Variants in LRBA observed in about 807,000 individuals in gnomAD.
LRBA encodes the protein LPS responsive beige-like anchor protein.
LRBA carries 176 observed loss-of-function variants against 330.0 expected under a neutral mutation model. The ratio of observed to expected loss-of-function variants is 0.53; its 90% CI spans 0.47 to 0.60. The LOEUF (loss-of-function observed/expected upper bound fraction) is 0.60, where lower values mean the gene tolerates loss of function less well. LRBA is among the 20% of genes least tolerant of loss of function. The probability of loss-of-function intolerance (pLI) is 0.00; values close to 1 mark genes in which losing one functional copy is unlikely to be tolerated. For synonymous variants in LRBA, 1,230 were observed against 1,193.0 expected (o/e 1.03, Z -0.64); for missense variants, 3,259 against 3,444.8 (o/e 0.95, Z 1.35).
chr4:150,837,792 T>C (rs1483097793), intron 28 of LRBA, among the ~76,000 whole-genome samples: 3 of 152,226 alleles, frequency 2.0e-5, no homozygotes, highest in Admixed American at 2.0e-4. Flanking sequence ...CCCATTTACA[T>C]TTAAAGTTAA....
intron 42 of LRBA, among the ~76,000 whole-genome samples, chr4:150,477,541 A>C (rs1454421223): frequency 6.6e-6 from 1 of 152,140 alleles, no homozygotes; most frequent in Non-Finnish European, 1.5e-5. Flanking sequence ...AACTGCCTCC[A>C]TGATCCAATC....
intron 48 of LRBA, among the ~76,000 whole-genome samples, chr4:150,349,391 A>G (rs140555020): frequency 3.7e-4 from 57 of 152,330 alleles, no homozygotes; most frequent in Non-Finnish European, 5.9e-5. Context: ...AATTAGAAGG[A>G]TGCATAATTA....
intron 33 of LRBA, 25 bp from the exon 34 acceptor site, chr4:150,798,167 A>ATAATTT: frequency 6.8e-7 from 1 of 1,470,620 alleles, no homozygotes; most frequent in Non-Finnish European, 9.5e-7. Context: ...ATTTTAAAAA[A>ATAATTT]GAAGTTATAA....
chr4:150,592,149 T>TTG (rs1772946376), intron 38 of LRBA, among the ~76,000 whole-genome samples: 3 of 138,634 alleles, frequency 2.2e-5, no homozygotes, highest in Non-Finnish European at 4.7e-5. Flanking sequence ...CTAGGGTTTT[T>TTG]TTTTTTTTTT....
At chr4:150,996,192 A>T (rs1742626747) in intron 2 of LRBA, among the ~76,000 whole-genome samples, 1 of 152,172 alleles carries the variant, frequency 6.6e-6, no homozygotes, top group Admixed American at 6.5e-5. Flanking sequence ...GTTCAAGTGA[A>T]CGTTTACATC....
intron 36 of LRBA, among the ~76,000 whole-genome samples, chr4:150,688,043 C>G (rs558073878): frequency 6.6e-6 from 1 of 152,272 alleles, no homozygotes; most frequent in South Asian, 2.1e-4. Context: ...CACTACCTGA[C>G]TTCAAGCTAT....
intron 40 of LRBA, chr4:150,582,824 A>C: frequency 2.0e-6 from 1 of 509,958 alleles, no homozygotes; most frequent in Non-Finnish European, 3.4e-6. Context: ...TGCAGAAGAA[A>C]AGAGGTTTCG....
intron 40 of LRBA, among the ~76,000 whole-genome samples, chr4:150,554,737 A>C (rs1467744828): frequency 1.3e-5 from 2 of 152,098 alleles, no homozygotes; most frequent in African/African-American, 4.8e-5. Context: ...TTCCAAAATA[A>C]TCTTAAATTC....
intron 34 of LRBA, among the ~76,000 whole-genome samples, chr4:150,794,619 A>C (rs1474824868): frequency 6.6e-6 from 1 of 152,086 alleles, no homozygotes; most frequent in Non-Finnish European, 1.5e-5. Flanking sequence ...AAATGACCAA[A>C]CCTTATATCA....
At chr4:150,739,292 C>T (rs181247832) in intron 35 of LRBA, among the ~76,000 whole-genome samples, 3 of 151,892 alleles carry the variant, frequency 2.0e-5, no homozygotes, top group Admixed American at 2.0e-4. Flanking sequence ...ACTGACATAT[C>T]GAGAACATTA....
chr4:150,357,610 T>C (rs1056692506), intron 47 of LRBA, among the ~76,000 whole-genome samples: 1 of 151,736 alleles, frequency 6.6e-6, no homozygotes, highest in Non-Finnish European at 1.5e-5. Flanking sequence ...CATACAGATA[T>C]GCTAAACTAA....
At chr4:150,853,761 T>C (rs924108152) in intron 22 of LRBA, among the ~76,000 whole-genome samples, 1 of 152,164 alleles carries the variant, frequency 6.6e-6, no homozygotes, top group Non-Finnish European at 1.5e-5. Context: ...ATAGCCACCA[T>C]CATATGATTT....
chr4:150,661,018 T>G (rs1343513667), intron 37 of LRBA, among the ~76,000 whole-genome samples: 11 of 113,350 alleles, frequency 9.7e-5, no homozygotes, highest in African/African-American at 3.9e-4. Flanking sequence ...TATTGTCCCA[T>G]GACCCTGCCA....
intron 2 of LRBA, among the ~76,000 whole-genome samples, chr4:150,975,782 G>C (rs1010510699): frequency 9.2e-5 from 14 of 151,940 alleles, no homozygotes; most frequent in Non-Finnish European, 1.9e-4. Flanking sequence ...AACAAAGAAA[G>C]AGGTAAGATT....
chr4:150,370,874 T>C (rs1046738277), intron 47 of LRBA, among the ~76,000 whole-genome samples: 2 of 152,188 alleles, frequency 1.3e-5, no homozygotes, highest in Non-Finnish European at 2.9e-5. Context: ...ATGATGTTTA[T>C]ATTTTTCTCC....
chr4:150,354,441 C>T lies in LRBA; in HGVS notation c.7195-4282G>A, dbSNP rs79565700. 6.9e-3 allele frequency among the ~76,000 whole-genome samples: 1,057 copies of T among 152,176 alleles called. 3 individuals carry two copies. The highest frequency in any genetic ancestry group is 0.011 in the Non-Finnish European group (760 of 67,986). On this transcript the variant is annotated intron_variant, in intron 47 of 56. Coordinates refer to ENST00000651943, the MANE Select transcript of LRBA (RefSeq NM_001364905.1). ...TTCCCATGCTGCTCTCAAACCTAACCAATCAATTGTTAGTACTCCCCTAGC... is the reference window on the plus strand; with the variant it reads ...TTCCCATGCTGCTCTCAAACCTAACTAATCAATTGTTAGTACTCCCCTAGC...
At chr4:150,656,310 G>C (rs535924627) in intron 37 of LRBA, among the ~76,000 whole-genome samples, 1 of 152,356 alleles carries the variant, frequency 6.6e-6, no homozygotes, top group African/African-American at 2.4e-5. Flanking sequence ...ATGATGAACT[G>C]AATGTAATAC....
chr4:150,565,611 A>T (rs755896357), intron 40 of LRBA, among the ~76,000 whole-genome samples: 3 of 152,144 alleles, frequency 2.0e-5, no homozygotes, highest in Non-Finnish European at 4.4e-5. Flanking sequence ...AAATATAGAG[A>T]TTTAACATAA....
chr4:150,921,497 G>T (rs1187698636), intron 4 of LRBA, among the ~76,000 whole-genome samples: 1 of 152,032 alleles, frequency 6.6e-6, no homozygotes, highest in Admixed American at 6.5e-5. Flanking sequence ...GGGCCTATTA[G>T]GTATTCAATA....
Sources: allele counts gnomAD v4.1 joint callset (sites outside exome capture counted in the v4.1 genomes callset), GRCh38; gene constraint gnomAD v4.1.1; transcripts MANE v1.5; gene names NCBI Gene and HGNC (gene_info 2026-07-23, HGNC 2026-07-21).